Variants in KIF9 observed in about 807,000 individuals in gnomAD.
KIF9 encodes the protein kinesin family member 9, also known as kinesin-like protein KIF9.
In KIF9, 68 loss-of-function variants were observed where a neutral mutation model predicts 94.8. The observed-to-expected ratio is 0.72, with a 90% CI of 0.59 to 0.88. KIF9 has a LOEUF of 0.88. KIF9 is among the 40% of genes least tolerant of loss of function. The probability of loss-of-function intolerance (pLI) is 0.00; values close to 1 mark genes in which losing one functional copy is unlikely to be tolerated. For missense variants in KIF9, 882 were observed against 982.5 expected, an observed-to-expected ratio of 0.90 and a Z score of 1.37; for synonymous variants, 343 against 362.1, an observed-to-expected ratio of 0.95 and a Z score of 0.60.
intron 20 of KIF9, among the ~76,000 whole-genome samples, chr3:47,230,434 A>G (rs1698478131): frequency 6.6e-6 from 1 of 152,152 alleles, no homozygotes; most frequent in Admixed American, 6.6e-5. Flanking sequence ...ATTGTTTTTA[A>G]TTAAAAAGAA....
chr3:47,280,722 C>T (rs568197655), intron 1 of KIF9, among the ~76,000 whole-genome samples: 22 of 152,290 alleles, frequency 1.4e-4, no homozygotes, highest in African/African-American at 4.8e-4. Flanking sequence ...ACTCTCCCTC[C>T]AGAGCCTGGC....
intron 20 of KIF9, among the ~76,000 whole-genome samples, chr3:47,232,210 C>T (rs532645531): frequency 2.6e-5 from 4 of 152,332 alleles, no homozygotes. Context: ...CCCTTACTAG[C>T]CCATATCTGC....
rs937659617 is a variant in KIF9, at chr3:47,239,690, C to G, written c.1924+1111G>C. 6.0e-6 allele frequency: 7 copies of G among 1,169,744 alleles called. No individual in the cohort carries two copies. The African/African-American group carries it at 1.1e-4, about 19-fold the overall frequency. 72.5% of individuals were successfully genotyped at this position (1,169,744 alleles called of 1,614,324 possible). ...ACAACCTCTGCCTCCTGGGCTCAAG[C>G]GATTTTCATGCCTCAGCCTCCCAAG... is the stretch of plus-strand genomic sequence containing the variant. On this transcript the variant is annotated intron_variant, in intron 17 of 20. Transcript: ENST00000684063.
At chr3:47,272,477 AT>A (rs1269834721) in intron 4 of KIF9, among the ~76,000 whole-genome samples, 2 of 152,228 alleles carry the variant, frequency 1.3e-5, no homozygotes, top group Non-Finnish European at 2.9e-5. Flanking sequence ...CTTTTTCAAC[AT>A]TTTATGAAAT....
chr3:47,236,096 C>G lies in KIF9; in HGVS notation c.2155G>C (p.Ala719Pro). ...SFVIPEDMQM[A>P]LKPGGSIRPG... The stretch of plus-strand genomic sequence containing the variant: ...CGGATGCTGCCGCCTGGCTTCAGTG[C>G]CATCTGCATGTCCTCAGGGATGACA... The change falls in exon 19 of 21, where the codon GCA becomes CCA. Residue 719 changes from alanine to proline, a missense_variant. Coordinates refer to ENST00000684063, the MANE Select transcript of KIF9 (RefSeq NM_182902.4). 6.2e-7 allele frequency: 1 copy of G among 1,614,186 alleles called. No homozygotes were observed. Among genetic ancestry groups the G allele is most frequent in the South Asian group, 1.1e-5 (1 of 91,086 alleles).
rs773981227 is a variant in KIF9 at position 47,282,583 on chromosome 3, T to C, written c.-94A>G. 91 of 1,084,638 alleles carry C rather than the reference T, an allele frequency of 8.4e-5. 1 individual carries two copies. The Middle Eastern group carries it at 1.3e-3, about 15-fold the overall frequency. 67.2% of individuals were successfully genotyped at this position (1,084,638 alleles called of 1,614,324 possible). On this transcript the variant is annotated 5_prime_UTR_variant, in exon 1 of 21. An upstream start codon of the reference 5' UTR is lost. Transcript: ENST00000684063. ...ACGCGGGGCTGCCTGGCTGTGTACA[T>C]AGTCGCCATGGCAACGGGTCGCTTC... is the stretch of plus-strand genomic sequence containing the variant.
At chr3:47,281,171 T>C (rs545383213) in intron 1 of KIF9, 1 of 631,704 alleles carries the variant, frequency 1.6e-6, no homozygotes. Context: ...TGAATCTTCA[T>C]ATGTGGGTCT....
At chr3:47,233,689 C>T (rs896502969) in intron 20 of KIF9, among the ~76,000 whole-genome samples, 3 of 151,154 alleles carry the variant, frequency 2.0e-5, no homozygotes, top group Non-Finnish European at 2.9e-5. Context: ...GAGCACAACA[C>T]CGTCTCAAAA....
At chr3:47,264,226 C>G (rs76361859) in intron 9 of KIF9, 60 bp downstream of exon 9, 5 of 1,325,338 alleles carry the variant, frequency 3.8e-6, no homozygotes, top group Non-Finnish European at 3.3e-6. Context: ...GGAGCCTTAC[C>G]CTGCCCTGGC....
At position 47,236,611 on chromosome 3, in the gene KIF9, C is replaced by T. The variant is rs760730760; in HGVS notation, c.1933G>A (p.Glu645Lys). The T allele has an allele frequency of 6.8e-6, 11 of 1,613,624 alleles. No homozygotes were observed. In the Admixed American group the frequency reaches 8.3e-5, roughly 12 times the overall value. Residue 645 changes from glutamate (E) to lysine (K), a missense_variant, in exon 18 of 21, where the codon GAA becomes AAA. Physicochemically the swap from Glu to Lys is moderately conservative, Grantham distance 56. Coordinates refer to ENST00000684063, the MANE Select transcript of KIF9 (RefSeq NM_182902.4). ...KSLREKQGKY[E>K]NKGLMIIDEE... ...TCGATGATCATCAGCCCCTTGTTTT[C>T]GTACTTGCCTGCAAGGTGATGGAAG... is the stretch of plus-strand genomic sequence containing the variant.
chr3:47,262,281 T>G (rs1486731211), intron 9 of KIF9, among the ~76,000 whole-genome samples: 4 of 151,514 alleles, frequency 2.6e-5, no homozygotes, highest in Non-Finnish European at 4.4e-5. Context: ...TTTGTTTTTT[T>G]TTTTTCTTTT....
Position 47,240,854 on chromosome 3 carries a change from A to G in KIF9, c.1871T>C (p.Ile624Thr), listed in dbSNP as rs771195057. 9.9e-6 allele frequency: 16 copies of G among 1,613,706 alleles called. No homozygotes were observed. Among genetic ancestry groups the G allele is most frequent in the Non-Finnish European group, 1.3e-5 (15 of 1,179,942 alleles). The change falls in exon 17 of 21, where the codon ATT becomes ACT. Residue 624 changes from isoleucine (I) to threonine (T), a missense_variant. Physicochemically the swap from Ile to Thr is moderately conservative, Grantham distance 89. Coordinates refer to ENST00000684063, the MANE Select transcript of KIF9 (RefSeq NM_182902.4). ...TQHINAIKRE[I>T]DVTKEALNFQ... ...ATTCAGGGCCTCCTTGGTCACATCA[A>G]TCTCCCGCTTGATGGCATTGATGTG...
chr3:47,257,393 G>A (rs1022708066), intron 10 of KIF9, 90 bp downstream of exon 10: 7 of 1,127,332 alleles, frequency 6.2e-6, no homozygotes, highest in Non-Finnish European at 8.0e-6. Flanking sequence ...TTTGGTTGAG[G>A]CAGGAAGGGA....
At chr3:47,256,417 C>G (rs1246065046) in intron 10 of KIF9, among the ~76,000 whole-genome samples, 2 of 151,916 alleles carry the variant, frequency 1.3e-5, no homozygotes, top group Non-Finnish European at 2.9e-5. Flanking sequence ...GCAGCCACCC[C>G]ATCTGGGAAG....
intron 5 of KIF9, among the ~76,000 whole-genome samples, chr3:47,267,964 C>T (rs751362612): frequency 1.3e-5 from 2 of 151,054 alleles, no homozygotes; most frequent in Admixed American, 6.6e-5. Flanking sequence ...CTCTGCCTCC[C>T]GGGCCCAAGC....
At chr3:47,248,241 C>T in intron 10 of KIF9, 155 bp from the exon 11 acceptor site, 2 of 646,402 alleles carry the variant, frequency 3.1e-6, no homozygotes, top group Non-Finnish European at 5.5e-6. Flanking sequence ...TCTGGTGATT[C>T]CCTCCCGACT....
chr3:47,238,754 G>A (rs1053028203), intron 17 of KIF9, among the ~76,000 whole-genome samples: 5 of 151,796 alleles, frequency 3.3e-5, no homozygotes, highest in East Asian at 3.9e-4. Flanking sequence ...TCTGCCTCCC[G>A]GGTTTTACAC....
In KIF9 at chr3:47,240,922, G is replaced by A; in HGVS notation, c.1803C>T (p.Ser601=). Residue 601 remains serine, a synonymous_variant, in exon 17 of 21, where the codon TCC becomes TCT. Coordinates refer to ENST00000684063, the MANE Select transcript of KIF9 (RefSeq NM_182902.4). ...CCCTTTTCCTCCGTTCATTCAAGAT[G>A]GATTTGTTTTCTTTGAAAATTCGGT... ...EINRIFKENK[S]ILNERRKRAS... is the part of the protein sequence containing the mutation. 1.2e-6 allele frequency: 2 copies of A among 1,614,128 alleles called. No individual in the cohort carries two copies. The highest frequency in any genetic ancestry group is 1.7e-6 in the Non-Finnish European group (2 of 1,180,002).
At chr3:47,241,124 G>T in intron 16 of KIF9, 109 bp from the exon 17 acceptor site, 5 of 909,362 alleles carry the variant, frequency 5.5e-6, no homozygotes, top group Non-Finnish European at 5.2e-6. Context: ...AGGCAGAAGT[G>T]CTAGGCACCA....
Sources: gnomAD v4.1 joint callset for allele counts (sites outside exome capture counted in the v4.1 genomes callset) on GRCh38, gnomAD v4.1.1 for gene constraint, MANE v1.5 for transcripts, NCBI Gene and HGNC (gene_info 2026-07-23, HGNC 2026-07-21) for gene names.